SUGCT: variants seen among roughly 807,000 people sequenced by gnomAD.
The protein encoded by SUGCT is succinyl-CoA:glutarate CoA-transferase.
A neutral mutation model predicts 55.0 loss-of-function variants in SUGCT; 41 were observed. The observed-to-expected ratio is 0.74, with a 90% CI of 0.58 to 0.97. The LOEUF (loss-of-function observed/expected upper bound fraction) is 0.97, where lower values mean the gene tolerates loss of function less well. Ranked by LOEUF, SUGCT falls within the 50% of genes least tolerant of loss-of-function variation. The probability of loss-of-function intolerance (pLI) is 0.00; values close to 1 mark genes in which losing one functional copy is unlikely to be tolerated. For missense variants in SUGCT, 568 were observed against 547.8 expected (o/e 1.04, Z -0.37); for synonymous variants, 187 against 200.4 (o/e 0.93, Z 0.56).
intron 13 of SUGCT, among the ~76,000 whole-genome samples, chr7:40,825,856 T>C (rs1584495572): frequency 6.6e-6 from 1 of 152,330 alleles, no homozygotes; most frequent in East Asian, 1.9e-4. Context: ...ATTTCAATGT[T>C]AGTATTGCTG....
At chr7:40,157,264 C>G (rs1783943479) in intron 1 of SUGCT, among the ~76,000 whole-genome samples, 1 of 152,052 alleles carries the variant, frequency 6.6e-6, no homozygotes, top group African/African-American at 2.4e-5. Context: ...TCTTCCCAAG[C>G]AGAATTTGCT....
At position 40,747,793 on chromosome 7, in the gene SUGCT, T is replaced by A. The variant is rs562880167; in HGVS notation, c.1090-1641T>A. Among the ~76,000 whole-genome samples the A allele has an allele frequency of 4.6e-5, 7 of 152,324 alleles. No individual in the cohort carries two copies. In the East Asian group the frequency reaches 9.6e-4, roughly 21 times the overall value. ...CAGGTAGCCTCCAATTGTTTTTTTTTAAATAAAAAAATGTGTTGCATTTTT... is the reference window on the plus strand; with the variant it reads ...CAGGTAGCCTCCAATTGTTTTTTTTAAAATAAAAAAATGTGTTGCATTTTT... On this transcript the variant is annotated intron_variant, in intron 12 of 13. Coordinates refer to ENST00000335693, the MANE Select transcript of SUGCT (RefSeq NM_001193313.2).
intron 1 of SUGCT, among the ~76,000 whole-genome samples, chr7:40,164,582 T>G (rs1562807466): frequency 6.6e-6 from 1 of 152,190 alleles, no homozygotes; most frequent in South Asian, 2.1e-4. Flanking sequence ...TGAATTCCTA[T>G]TTTGTTTTTT....
chr7:40,843,312 C>A (rs772988844), intron 13 of SUGCT, among the ~76,000 whole-genome samples: 2 of 151,852 alleles, frequency 1.3e-5, no homozygotes, highest in Non-Finnish European at 2.9e-5. Context: ...GAGATAGAGA[C>A]CATCCCGGCC....
the SUGCT span, among the ~76,000 whole-genome samples, chr7:41,003,864 T>C: frequency 6.6e-6 from 1 of 152,210 alleles, no homozygotes; most frequent in Non-Finnish European, 1.5e-5. Context: ...ATCTCTCTTT[T>C]CCTAGGAGCA....
intron 12 of SUGCT, among the ~76,000 whole-genome samples, chr7:40,521,873 G>A (rs1793551405): frequency 6.6e-6 from 1 of 151,778 alleles, no homozygotes; most frequent in Non-Finnish European, 1.5e-5. Flanking sequence ...TGGTGGTGCT[G>A]GTATTATATG....
rs536325709 is a variant in SUGCT, at chr7:40,145,196, A to T, written c.100+10076A>T. On this transcript the variant is annotated intron_variant, in intron 1 of 13. Transcript: ENST00000335693. ...ATTTTTTTAACCTTTTAATGTAGGT[A>T]AAAATCTACATTCTTATGCCTCATT... Among the ~76,000 whole-genome samples, 23 of 152,342 alleles carry T rather than the reference A, an allele frequency of 1.5e-4. No homozygotes were observed. In the South Asian group the frequency reaches 3.1e-3, roughly 21 times the overall value.
chr7:40,579,183 G>T (rs181474595), intron 12 of SUGCT, among the ~76,000 whole-genome samples: 1 of 151,714 alleles, frequency 6.6e-6, no homozygotes, highest in Admixed American at 6.6e-5. Context: ...AAAAGTAAAT[G>T]GTGAAATCAA....
At chr7:40,542,244 GTCATCATCA>G (rs138605949) in intron 12 of SUGCT, among the ~76,000 whole-genome samples, 2 of 151,840 alleles carry the variant, frequency 1.3e-5, no homozygotes, top group African/African-American at 4.8e-5. Context: ...CATAACCATC[GTCATCATCA>G]TCATCATCAT....
intron 12 of SUGCT, among the ~76,000 whole-genome samples, chr7:40,688,287 A>G (rs1352751984): frequency 6.6e-6 from 1 of 152,184 alleles, no homozygotes; most frequent in Non-Finnish European, 1.5e-5. Flanking sequence ...CACATTCAGA[A>G]AAGGGTGTCT....
chr7:40,501,921 A>C (rs902764273), intron 12 of SUGCT, among the ~76,000 whole-genome samples: 1 of 152,070 alleles, frequency 6.6e-6, no homozygotes, highest in Non-Finnish European at 1.5e-5. Context: ...TGACAAAAAA[A>C]ATTTAAAATG....
chr7:40,882,873 C>G, the SUGCT span, among the ~76,000 whole-genome samples: 1 of 152,140 alleles, frequency 6.6e-6, no homozygotes, highest in Non-Finnish European at 1.5e-5. Flanking sequence ...GGTTATTTCT[C>G]AGAATTATTC....
intron 12 of SUGCT, among the ~76,000 whole-genome samples, chr7:40,584,178 G>T (rs1797251682): frequency 6.6e-6 from 1 of 152,170 alleles, no homozygotes; most frequent in Non-Finnish European, 1.5e-5. Context: ...GTGTGTCCTT[G>T]TGTGTGTATT....
intron 12 of SUGCT, among the ~76,000 whole-genome samples, chr7:40,510,246 G>GT (rs199705221): frequency 9.2e-5 from 14 of 151,840 alleles, no homozygotes; most frequent in Non-Finnish European, 1.8e-4. Context: ...ATATAATTCT[G>GT]TTTTTTTATT....
chr7:40,720,441 T>C (rs1786266301), intron 12 of SUGCT, among the ~76,000 whole-genome samples: 1 of 152,204 alleles, frequency 6.6e-6, no homozygotes, highest in African/African-American at 2.4e-5. Context: ...TGAACAGTTT[T>C]AGAATGAAGC....
At chr7:40,916,294 A>G in the SUGCT span, among the ~76,000 whole-genome samples, 16 of 152,116 alleles carry the variant, frequency 1.1e-4, no homozygotes, top group African/African-American at 3.9e-4. Flanking sequence ...ACAGCTCTAG[A>G]AATGAAGTGC....
At chr7:40,532,920 G>T (rs1022235969) in intron 12 of SUGCT, among the ~76,000 whole-genome samples, 1 of 152,106 alleles carries the variant, frequency 6.6e-6, no homozygotes, top group Non-Finnish European at 1.5e-5. Context: ...TGAGTAAATA[G>T]AAATGTGATC....
chr7:40,967,979 C>G, the SUGCT span: 1 of 152,166 alleles, frequency 6.6e-6, no homozygotes, highest in Non-Finnish European at 1.5e-5. Context: ...ATACTTATTT[C>G]TAACCTGTGG....
At chr7:40,206,515 A>C (rs1786983686) in intron 6 of SUGCT, among the ~76,000 whole-genome samples, 1 of 152,216 alleles carries the variant, frequency 6.6e-6, no homozygotes, top group Non-Finnish European at 1.5e-5. Context: ...CTTGTAAAGA[A>C]TATATTATGC....
Sources: allele counts gnomAD v4.1 joint callset (sites outside exome capture counted in the v4.1 genomes callset), GRCh38; gene constraint gnomAD v4.1.1; transcripts MANE v1.5; gene names NCBI Gene and HGNC (gene_info 2026-07-23, HGNC 2026-07-21).